Variants in DYNC1I2 observed in about 807,000 individuals in gnomAD.
DYNC1I2 encodes cytoplasmic dynein 1 intermediate chain 2.
DYNC1I2 carries 53 observed loss-of-function variants against 88.6 expected under a neutral mutation model. That is an observed-to-expected ratio of 0.60 (90% confidence interval 0.48 to 0.75). The LOEUF (loss-of-function observed/expected upper bound fraction) is 0.75, where lower values mean the gene tolerates loss of function less well. Ranked by LOEUF, DYNC1I2 falls within the 30% of genes least tolerant of loss-of-function variation. The pLI is 0.00. For missense variants in DYNC1I2, 458 were observed against 766.6 expected (o/e 0.60, Z 4.75); for synonymous variants, 198 against 254.6 (o/e 0.78, Z 2.12).
intron 3 of DYNC1I2, among the ~76,000 whole-genome samples, chr2:171,693,470 G>T (rs1685538485): frequency 6.6e-6 from 1 of 152,138 alleles, no homozygotes; most frequent in South Asian, 2.1e-4. Context: ...AATAGTAGAG[G>T]TACACAGGAC....
intron 5 of DYNC1I2, chr2:171,712,511 C>T: frequency 2.7e-6 from 1 of 369,136 alleles, no homozygotes; most frequent in Non-Finnish European, 4.9e-6. Context: ...CCATAATCTG[C>T]AAATAATGTC....
chr2:171,733,459 C>CTTTTTTTTTTTTTTTTTTTT lies in DYNC1I2; in HGVS notation c.1536+3617_1536+3636dup, dbSNP rs61079902. On this transcript the variant is annotated intron_variant, in intron 15 of 17. Coordinates refer to ENST00000397119, the MANE Select transcript of DYNC1I2 (RefSeq NM_001378.3). ...TTTTTCTCCACAACCTTGCCAGCAT[C>CTTTTTTTTTTTTTTTTTTTT]TTTTTTTTTTTTTTTTTTTTTTTTT... is the stretch of plus-strand genomic sequence containing the variant. 2.0e-4 allele frequency among the ~76,000 whole-genome samples: 11 copies of CTTTTTTTTTTTTTTTTTTTT among 55,772 alleles called. 1 individual carries two copies. Among genetic ancestry groups the CTTTTTTTTTTTTTTTTTTTT allele is most frequent in the Non-Finnish European group, 2.9e-4 (9 of 31,498 alleles). The allele number at this position is 55,772 out of a possible 152,430, so 36.6% of individuals were successfully genotyped here.
In DYNC1I2 at chr2:171,749,154, G is replaced by A. The variant is rs1484756703; in HGVS notation, c.*1265G>A. Reference sequence around the variant, plus strand: ...ATTTCCAAATAATGAGTAGTGTATAGTGTAAGGAATAATTGACCTGGAATT... The same window carrying A: ...ATTTCCAAATAATGAGTAGTGTATAATGTAAGGAATAATTGACCTGGAATT... On this transcript the variant is annotated 3_prime_UTR_variant, in exon 18 of 18. Coordinates refer to ENST00000397119, the MANE Select transcript of DYNC1I2 (RefSeq NM_001378.3). Among the ~76,000 whole-genome samples the A allele has an allele frequency of 6.6e-6, 1 of 152,154 alleles. No individual in the cohort carries two copies. The highest frequency in any genetic ancestry group is 6.5e-5 in the Admixed American group (1 of 15,284).
At chr2:171,699,104 C>T (rs1686010229) in intron 3 of DYNC1I2, among the ~76,000 whole-genome samples, 1 of 152,098 alleles carries the variant, frequency 6.6e-6, no homozygotes, top group African/African-American at 2.4e-5. Flanking sequence ...GTCAGGAGTT[C>T]GAGACCAGCC....
chr2:171,706,680 C>A, intron 4 of DYNC1I2, 116 bp downstream of exon 4: 1 of 911,062 alleles, frequency 1.1e-6, no homozygotes, highest in Non-Finnish European at 1.7e-6. Context: ...ACCCAAATTG[C>A]TGGAAACTAA....
chr2:171,701,584 T>A (rs1024661578), intron 3 of DYNC1I2, among the ~76,000 whole-genome samples: 2 of 152,190 alleles, frequency 1.3e-5, no homozygotes, highest in South Asian at 4.1e-4. Flanking sequence ...TAGTTTAATG[T>A]TATTACTAAA....
chr2:171,733,278 A>T (rs770525151), intron 15 of DYNC1I2, among the ~76,000 whole-genome samples: 42 of 151,710 alleles, frequency 2.8e-4, no homozygotes, highest in Non-Finnish European at 5.0e-4. Flanking sequence ...TGTCTTTGCT[A>T]GTGTCTTTAT....
At chr2:171,711,771 T>C (rs897179208) in intron 5 of DYNC1I2, among the ~76,000 whole-genome samples, 2 of 152,244 alleles carry the variant, frequency 1.3e-5, no homozygotes, top group African/African-American at 2.4e-5. Context: ...CCATTTGTTG[T>C]ATTAAAACAT....
At chr2:171,704,275 TAAAG>T (rs1473153530) in intron 3 of DYNC1I2, among the ~76,000 whole-genome samples, 6 of 152,016 alleles carry the variant, frequency 3.9e-5, no homozygotes, top group Non-Finnish European at 8.8e-5. Flanking sequence ...CCTGGATAGT[TAAAG>T]AAGTACAGTC....
At chr2:171,716,126 T>G (rs1178015688) in intron 7 of DYNC1I2, among the ~76,000 whole-genome samples, 1 of 152,124 alleles carries the variant, frequency 6.6e-6, no homozygotes, top group Non-Finnish European at 1.5e-5. Context: ...AAAAAAGATT[T>G]ATGTGAGATC....
At chr2:171,716,865 C>G (rs1247855796) in intron 7 of DYNC1I2, among the ~76,000 whole-genome samples, 1 of 151,330 alleles carries the variant, frequency 6.6e-6, no homozygotes, top group Non-Finnish European at 1.5e-5. Flanking sequence ...AAAATTGCGC[C>G]ACTGCACTCC....
chr2:171,700,142 A>C (rs541459883), intron 3 of DYNC1I2, among the ~76,000 whole-genome samples: 1 of 152,004 alleles, frequency 6.6e-6, no homozygotes, highest in African/African-American at 2.4e-5. Flanking sequence ...ACTTGCTTTC[A>C]TGGTGGTTCG....
intron 11 of DYNC1I2, among the ~76,000 whole-genome samples, chr2:171,727,253 A>T (rs1267525646): frequency 6.6e-6 from 1 of 152,166 alleles, no homozygotes; most frequent in African/African-American, 2.4e-5. Flanking sequence ...TTATTTGTGA[A>T]TATACAATTA....
At chr2:171,719,834 G>A (rs1352875873) in intron 7 of DYNC1I2, among the ~76,000 whole-genome samples, 7 of 152,154 alleles carry the variant, frequency 4.6e-5, no homozygotes, top group Admixed American at 4.6e-4. Flanking sequence ...CTGTCTTAAA[G>A]CGCCTACTGT....
intron 7 of DYNC1I2, among the ~76,000 whole-genome samples, chr2:171,723,268 A>G (rs779989640): frequency 2.0e-5 from 3 of 152,210 alleles, no homozygotes; most frequent in Non-Finnish European, 4.4e-5. Flanking sequence ...TTTATAATTC[A>G]TAGTGCTCAA....
At chr2:171,738,865 T>C (rs1436350867) in intron 15 of DYNC1I2, among the ~76,000 whole-genome samples, 3 of 152,088 alleles carry the variant, frequency 2.0e-5, no homozygotes, top group Non-Finnish European at 4.4e-5. Context: ...AACCACCTTC[T>C]CGGCCAGGCA....
rs530105076 is a variant in DYNC1I2 at position 171,732,256 on chromosome 2, G to A, written c.1536+2403G>A. Among the ~76,000 whole-genome samples the A allele has an allele frequency of 1.6e-4, 24 of 152,248 alleles. No homozygotes were observed. In the South Asian group the frequency reaches 4.4e-3, roughly 28 times the overall value. On this transcript the variant is annotated intron_variant, in intron 15 of 17. Transcript: ENST00000397119. ...CGGGCACCTGTATTCCTAGCTACTC[G>A]GGAGGCTGAGGCAGGAGAATCACTT...
At chr2:171,743,629 A>G (rs1470066332) in intron 15 of DYNC1I2, among the ~76,000 whole-genome samples, 2 of 152,102 alleles carry the variant, frequency 1.3e-5, no homozygotes, top group African/African-American at 4.8e-5. Flanking sequence ...TTTATTTGGA[A>G]GTTTGTCTCC....
chr2:171,727,008 T>C, intron 11 of DYNC1I2, 92 bp downstream of exon 11: 1 of 1,350,364 alleles, frequency 7.4e-7, no homozygotes, highest in Non-Finnish European at 9.8e-7. Flanking sequence ...GTCAACATAA[T>C]GATTTCATTG....
Sources: allele counts gnomAD v4.1 joint callset (sites outside exome capture counted in the v4.1 genomes callset), GRCh38; gene constraint gnomAD v4.1.1; transcripts MANE v1.5; gene names NCBI Gene and HGNC (gene_info 2026-07-23, HGNC 2026-07-21).